Variants in PIP5K1C observed in about 807,000 individuals in gnomAD.
PIP5K1C encodes phosphatidylinositol 4-phosphate 5-kinase type-1 gamma.
Under a neutral mutation model 80.1 loss-of-function variants are expected in PIP5K1C, and 45 were observed. That is an observed-to-expected ratio of 0.56 (90% CI 0.44 to 0.72). The LOEUF (loss-of-function observed/expected upper bound fraction) is 0.72. PIP5K1C is among the 30% of genes least tolerant of loss of function. The pLI, the probability that PIP5K1C is intolerant of heterozygous loss-of-function variation, is 0.00. For synonymous variants in PIP5K1C, 498 were observed against 420.1 expected (o/e 1.19, Z -2.27); for missense variants, 753 against 954.6 (o/e 0.79, Z 2.78).
intron 5 of PIP5K1C, among the ~76,000 whole-genome samples, chr19:3,659,897 C>A (rs1169467254): frequency 6.6e-6 from 1 of 152,202 alleles, no homozygotes; most frequent in Non-Finnish European, 1.5e-5. Context: ...GATCGGAGAA[C>A]CACAGGCTCC....
rs1427539496 is a variant in PIP5K1C, at chr19:3,637,801, T to G, written c.1920+1083A>C. ...CAGGACCGAGGACCCTTCTCCCTTCTCTGCTGCCCACCTGGCAGGGCATCA... is the reference window on the plus strand; with the variant it reads ...CAGGACCGAGGACCCTTCTCCCTTCGCTGCTGCCCACCTGGCAGGGCATCA... On this transcript the variant is annotated intron_variant, in intron 16 of 17. Transcript: ENST00000335312. This position sits in a 1 kb window ranked among gnomAD's most constrained non-coding sequence, Gnocchi z 7.0. 1.3e-6 allele frequency: 2 copies of G among 1,534,606 alleles called. No homozygotes were observed. Among genetic ancestry groups the G allele is most frequent in the Admixed American group, 3.9e-5 (2 of 50,960 alleles).
chr19:3,633,015 G>C lies in PIP5K1C; in HGVS notation c.*152C>G. The C allele has an allele frequency of 3.6e-6, 2 of 552,106 alleles. No homozygotes were observed. The highest frequency in any genetic ancestry group is 6.5e-6 in the Non-Finnish European group (2 of 307,018). The allele number at this position is 552,106 out of a possible 1,614,324, so 34.2% of individuals were successfully genotyped here. On this transcript the variant is annotated 3_prime_UTR_variant, in exon 18 of 18. Transcript: ENST00000335312. ...GGGAGGCTTGTCGGGGAGGGGCCCG[G>C]CCGTCGGCATCCGTGCAGGGGGAGG...
At chr19:3,639,040 G>C in intron 15 of PIP5K1C, 24 bp from the exon 16 acceptor site, 2 of 1,607,724 alleles carry the variant, frequency 1.2e-6, no homozygotes, top group Non-Finnish European at 8.5e-7. Context: ...TAGACAGAGG[G>C]TCTTGACCCT....
intron 14 of PIP5K1C, among the ~76,000 whole-genome samples, chr19:3,642,198 G>A (rs972329924): frequency 6.6e-6 from 1 of 152,218 alleles, no homozygotes; most frequent in Non-Finnish European, 1.5e-5. Flanking sequence ...TAGACTGCAG[G>A]GAGGGTCACA....
At position 3,642,620 on chromosome 19, in the gene PIP5K1C, G is replaced by A. The variant is rs113314847; in HGVS notation, c.1682+287C>T. Among the ~76,000 whole-genome samples the A allele has an allele frequency of 7.5e-3, 1,146 of 152,164 alleles. 14 individuals are homozygous for A. Among genetic ancestry groups the A allele is most frequent in the African/African-American group, 0.025 (1,023 of 41,488 alleles). ...GGACAGGCCGTGGGCAGGAGGGGGC[G>A]CATTTCACGATATTCCCTCTTGTAT... On this transcript the variant is annotated intron_variant, in intron 14 of 17. Transcript: ENST00000335312.
At chr19:3,652,634 C>T (rs976932353) in intron 7 of PIP5K1C, among the ~76,000 whole-genome samples, 4 of 152,226 alleles carry the variant, frequency 2.6e-5, no homozygotes, top group African/African-American at 9.6e-5. Context: ...GGAGCTAACC[C>T]AGGCAGAGGA....
intron 1 of PIP5K1C, among the ~76,000 whole-genome samples, chr19:3,681,931 TC>T (rs1270713496): frequency 6.6e-5 from 10 of 152,188 alleles, no homozygotes; most frequent in Non-Finnish European, 1.0e-4. Context: ...CAAAGCGAAC[TC>T]CTTCCCCGTC....
intron 2 of PIP5K1C, among the ~76,000 whole-genome samples, chr19:3,666,676 C>T (rs1004130250): frequency 1.3e-5 from 2 of 151,812 alleles, no homozygotes; most frequent in Non-Finnish European, 1.5e-5. Context: ...CACACACAAA[C>T]GTGCACACAC....
intron 1 of PIP5K1C, among the ~76,000 whole-genome samples, 177 bp from the exon 2 acceptor site, chr19:3,667,530 T>C (rs1005153869): frequency 2.6e-5 from 4 of 152,138 alleles, no homozygotes; most frequent in Non-Finnish European, 5.9e-5. Flanking sequence ...GAGGATGTGA[T>C]GAGGGTGGGG....
chr19:3,639,886 G>A (rs2033891387), intron 15 of PIP5K1C, among the ~76,000 whole-genome samples: 2 of 152,208 alleles, frequency 1.3e-5, no homozygotes, highest in South Asian at 4.1e-4. Context: ...AACGGCCTTG[G>A]CCTTGGCTAT....
At chr19:3,686,781 T>C (rs1013146874) in intron 1 of PIP5K1C, among the ~76,000 whole-genome samples, 1 of 151,708 alleles carries the variant, frequency 6.6e-6, no homozygotes, top group Non-Finnish European at 1.5e-5. Flanking sequence ...CAAACTGGAA[T>C]GAATGTAATA....
chr19:3,643,671 C>G (rs1331788743), intron 12 of PIP5K1C, among the ~76,000 whole-genome samples: 1 of 150,866 alleles, frequency 6.6e-6, no homozygotes, highest in Non-Finnish European at 1.5e-5. Flanking sequence ...CTCTCTTCCC[C>G]TCCCCACCCC....
At chr19:3,693,091 G>C (rs189273187) in intron 1 of PIP5K1C, among the ~76,000 whole-genome samples, 4 of 152,012 alleles carry the variant, frequency 2.6e-5, no homozygotes, top group Admixed American at 2.0e-4. Context: ...TGTATGTCCT[G>C]GCCCCACTCC....
At chr19:3,667,591 A>G (rs980303623) in intron 1 of PIP5K1C, among the ~76,000 whole-genome samples, 1 of 152,202 alleles carries the variant, frequency 6.6e-6, no homozygotes, top group African/African-American at 2.4e-5. Flanking sequence ...TGGGGCCTAG[A>G]GCAGGGGAGA....
rs770325363 is a variant in PIP5K1C at position 3,638,993 on chromosome 19, G to T, written c.1811C>A (p.Ala604Asp). ...AGTTTCTACTTCAACAGCAGCAGAG[G>T]CACCGGCCGGGGAAGCCTCCACCCT... Reference protein sequence around the residue: ...DAGVEASPAGASAAVEVETAS... With the variant: ...DAGVEASPAGDSAAVEVETAS... Residue 604 changes from alanine to aspartate, a missense_variant, in exon 16 of 18, where the codon GCC (alanine) becomes GAC (aspartate). Ala to Asp is a moderately radical substitution (Grantham distance 126, BLOSUM62 -2). This residue lies in a region of PIP5K1C where 315 missense variants were observed against 294.5 expected (regional missense o/e 1.07). Transcript: ENST00000335312. The T allele has an allele frequency of 1.2e-6, 2 of 1,611,252 alleles. No individual in the cohort carries two copies. The highest frequency in any genetic ancestry group is 1.7e-6 in the Non-Finnish European group (2 of 1,179,850).
chr19:3,677,204 T>C (rs201204927), intron 1 of PIP5K1C, among the ~76,000 whole-genome samples: 2 of 152,100 alleles, frequency 1.3e-5, no homozygotes, highest in Non-Finnish European at 2.9e-5. Flanking sequence ...GGTGTGGCTG[T>C]GAGAGCCGCC....
chr19:3,645,214 A>G (rs2034161844), intron 11 of PIP5K1C, among the ~76,000 whole-genome samples: 1 of 152,094 alleles, frequency 6.6e-6, no homozygotes, highest in African/African-American at 2.4e-5. Flanking sequence ...CAGATCATTC[A>G]TGCCCCCCAC....
In PIP5K1C at chr19:3,657,624, CG is replaced by C. The variant is rs1447375222; in HGVS notation, c.469-1068del. 3.9e-5 allele frequency among the ~76,000 whole-genome samples: 6 copies of C among 151,926 alleles called. 1 individual carries two copies. The highest frequency in any genetic ancestry group is 2.0e-4 in the Admixed American group (3 of 15,246). On this transcript the variant is annotated intron_variant, in intron 5 of 17. Coordinates refer to ENST00000335312, the MANE Select transcript of PIP5K1C (RefSeq NM_012398.3). ...TGTCCACGAGAGTCAGGAGTGGTGG[CG>C]AGCAGAAGCGAGGGGAGGCCAGGCA...
In PIP5K1C at chr19:3,653,621, C is replaced by A. The variant is rs376296968; in HGVS notation, c.622-32G>T. The A allele has an allele frequency of 9.5e-6, 15 of 1,586,858 alleles. No homozygotes were observed. The Admixed American group carries it at 2.0e-4, about 21-fold the overall frequency. On this transcript the variant is annotated intron_variant, in intron 6 of 17. Coordinates refer to ENST00000335312, the MANE Select transcript of PIP5K1C (RefSeq NM_012398.3). ...GGGGAAGAGGGCAAGTCGTGGAGGG[C>A]GGCTGGGCCACAGACTCACGGGGGC...
Sources: allele counts gnomAD v4.1 joint callset (sites outside exome capture counted in the v4.1 genomes callset), GRCh38; gene constraint gnomAD v4.1.1; regional missense constraint gnomAD v4.1.1; non-coding constraint Gnocchi (gnomAD v3.1); transcripts MANE v1.5; gene names NCBI Gene and HGNC (gene_info 2026-07-23, HGNC 2026-07-21).